TBX1: variants seen among roughly 807,000 people sequenced by gnomAD.
TBX1 encodes the protein T-box transcription factor TBX1.
TBX1 carries 16 observed loss-of-function variants against 40.8 expected under a neutral mutation model. The ratio of observed to expected loss-of-function variants is 0.39; its 90% CI spans 0.27 to 0.60. TBX1 has a LOEUF of 0.60. Among genes scored for constraint, TBX1 ranks in the 20% least tolerant of loss-of-function variants. TBX1 has a pLI of 0.51. For synonymous variants in TBX1, 403 were observed against 336.8 expected (o/e 1.20, Z -2.15); for missense variants, 755 against 728.5 (o/e 1.04, Z -0.42).
downstream of TBX1, chr22:19,783,265 C>T (rs1937159693): frequency 1.9e-6 from 1 of 520,360 alleles, no homozygotes; most frequent in Non-Finnish European, 3.5e-6. Context: ...GATAATGGCA[C>T]CAGGATGAGG....
upstream of TBX1, among the ~76,000 whole-genome samples, chr22:19,756,903 G>A (rs1480653110): frequency 6.6e-6 from 1 of 151,906 alleles, no homozygotes; most frequent in Non-Finnish European, 1.5e-5. Flanking sequence ...GAGGAGTGTG[G>A]GCGGGTGGCG....
At chr22:19,759,656 A>G (rs1296985168), upstream of TBX1, 5 of 1,612,534 alleles carry the variant, frequency 3.1e-6, no homozygotes, top group Non-Finnish European at 4.2e-6. Context: ...GCACTTCAGC[A>G]CCGTCACCAG....
At chr22:19,779,397 G>A (rs207477905) in exon 9 of TBX1, 9 of 1,614,056 alleles carry the variant, frequency 5.6e-6, no homozygotes, top group Middle Eastern at 1.6e-4. Flanking sequence ...GCAGGTGACC[G>A]TCTTTGTTGA....
upstream of TBX1, among the ~76,000 whole-genome samples, chr22:19,757,522 A>G (rs184445607): frequency 1.5e-3 from 228 of 152,276 alleles, 2 homozygotes; most frequent in African/African-American, 5.2e-3. Flanking sequence ...CACAGGACAC[A>G]AGCTTGGGCA....
At chr22:19,760,143 G>A (rs1205490581), upstream of TBX1, among the ~76,000 whole-genome samples, 2 of 148,634 alleles carry the variant, frequency 1.3e-5, no homozygotes, top group Non-Finnish European at 3.0e-5. Context: ...CGAAAGAGAA[G>A]AGAGAAAACG....
intron 8 of TBX1, among the ~76,000 whole-genome samples, chr22:19,775,596 TG>T (rs1937052449): frequency 6.6e-6 from 1 of 152,028 alleles, no homozygotes; most frequent in Admixed American, 6.6e-5. Context: ...TGGCATCTGG[TG>T]GGTGGAGGTG....
chr22:19,765,862 C>CCTGGCGCAGGCGCCGCCCTG, intron 5 of TBX1, 37 bp downstream of exon 5: 1 of 1,571,766 alleles, frequency 6.4e-7, no homozygotes, highest in Non-Finnish European at 8.6e-7. Context: ...GCGCCGGGCG[C>CCTGGCGCAGGCGCCGCCCTG]CTGGCGCAGG....
chr22:19,763,394 G>T, intron 2 of TBX1, 52 bp downstream of exon 2: 1 of 1,569,376 alleles, frequency 6.4e-7, no homozygotes, highest in South Asian at 1.1e-5. Flanking sequence ...CTGGAAAGTG[G>T]CGGGTCTCCG....
intron 8 of TBX1, among the ~76,000 whole-genome samples, chr22:19,772,684 G>A (rs945178634): frequency 3.3e-5 from 5 of 151,960 alleles, no homozygotes; most frequent in East Asian, 1.9e-4. Context: ...TATGTTTTCC[G>A]GATTACTCCC....
intron 8 of TBX1, among the ~76,000 whole-genome samples, chr22:19,774,765 AAGT>A (rs1425771131): frequency 6.6e-6 from 1 of 152,204 alleles, no homozygotes; most frequent in Admixed American, 6.5e-5. Context: ...GAGGCACCTC[AAGT>A]AGTCAGATTC....
At chr22:19,780,275 T>C (rs1214640609), downstream of TBX1, among the ~76,000 whole-genome samples, 1 of 152,154 alleles carries the variant, frequency 6.6e-6, no homozygotes, top group East Asian at 1.9e-4. Context: ...AAACAAGAAC[T>C]CCTCATTCCC....
chr22:19,773,684 A>G (rs909965773), intron 8 of TBX1, among the ~76,000 whole-genome samples: 1 of 152,200 alleles, frequency 6.6e-6, no homozygotes, highest in African/African-American at 2.4e-5. Context: ...CTCAGGCCTC[A>G]CACAGTCCTG....
chr22:19,770,522 G>T (rs968481650), downstream of TBX1, among the ~76,000 whole-genome samples: 5 of 152,242 alleles, frequency 3.3e-5, no homozygotes, highest in East Asian at 7.7e-4. Context: ...GCAGGAGCAC[G>T]CGGGGGCTTG....
intron 8 of TBX1, among the ~76,000 whole-genome samples, chr22:19,776,350 C>T (rs184677576): frequency 2.6e-5 from 4 of 152,342 alleles, no homozygotes; most frequent in Admixed American, 2.6e-4. Flanking sequence ...AGTCCTCCCT[C>T]ACTGGGGGTG....
intron 3 of TBX1, 152 bp downstream of exon 3, chr22:19,764,478 C>T (rs905631387): frequency 1.4e-5 from 14 of 999,224 alleles, no homozygotes; most frequent in South Asian, 4.0e-5. Flanking sequence ...AGAGTCCCTG[C>T]GAGGCTAGAG....
In TBX1 at chr22:19,766,808, A is replaced by G. The variant is rs965925805; in HGVS notation, c.1456A>G (p.Asn486Asp). The G allele has an allele frequency of 3.3e-6, 5 of 1,502,444 alleles. No homozygotes were observed. The African/African-American group carries it at 5.9e-5, about 18-fold the overall frequency. The allele number at this position is 1,502,444 out of a possible 1,614,324, so 93.1% of individuals were successfully genotyped here. ...AAAAAAAAAA[N>D]MYSSAGAAPP... ...CGCTGCCGCAGCTGCCGCGGCCGCC[A>G]ACATGTACTCGTCGGCCGGAGCCGC... The change falls in exon 7 of 7, where the codon AAC (asparagine) becomes GAC (aspartate). Residue 486 changes from asparagine to aspartate, a missense_variant. Physicochemically the swap from Asn to Asp is conservative, Grantham distance 23. Transcript: ENST00000649276.
At chr22:19,766,298 A>G (rs1936839411) in intron 6 of TBX1, 91 bp from the exon 7 acceptor site, 2 of 1,211,750 alleles carry the variant, frequency 1.7e-6, no homozygotes, top group Admixed American at 4.5e-5. Context: ...AGGGCGGCCA[A>G]GAGCCTTCTC....
At chr22:19,780,270 A>G (rs1351000554), downstream of TBX1, among the ~76,000 whole-genome samples, 1 of 152,200 alleles carries the variant, frequency 6.6e-6, no homozygotes, top group East Asian at 1.9e-4. Flanking sequence ...CCATTAAACA[A>G]GAACTCCTCA....
rs762629442 is a variant in TBX1, at chr22:19,761,129, G to C, written c.286G>C (p.Glu96Gln). The change falls in exon 1 of 7, where the codon GAG (glutamate) becomes CAG (glutamine). Residue 96 changes from glutamate (E) to glutamine (Q), a missense_variant. Physicochemically the swap from Glu to Gln is conservative, Grantham distance 29. Transcript: ENST00000649276. ...CGCCACCAGCGCCGCCGCCGAGCCC[G>C]AGGGCCCCGGGGCCAGCTGCGCGGC... ...GAATSAAAEPEGPGASCAAAA... is the reference protein window; with the variant it reads ...GAATSAAAEPQGPGASCAAAA... 7.4e-7 allele frequency: 1 copy of C among 1,348,632 alleles called. No individual in the cohort carries two copies. The highest frequency in any genetic ancestry group is 2.6e-5 in the Admixed American group (1 of 39,050). The allele number at this position is 1,348,632 out of a possible 1,614,324, so 83.5% of individuals were successfully genotyped here.
Sources: allele counts gnomAD v4.1 joint callset (sites outside exome capture counted in the v4.1 genomes callset), GRCh38; gene constraint gnomAD v4.1.1; transcripts MANE v1.5; gene names NCBI Gene and HGNC (gene_info 2026-07-23, HGNC 2026-07-21).